WDR70: variants seen among roughly 807,000 people sequenced by gnomAD.
WDR70 encodes the protein WD repeat domain 70.
WDR70 carries 53 observed loss-of-function variants against 88.6 expected under a neutral mutation model. That is an observed-to-expected ratio of 0.60 (90% confidence interval 0.48 to 0.75). WDR70 has a LOEUF of 0.75. Among genes scored for constraint, WDR70 ranks in the 30% least tolerant of loss-of-function variants. The pLI is 0.00. For synonymous variants in WDR70, 280 were observed against 270.0 expected, an observed-to-expected ratio of 1.04 and a Z score of -0.36; for missense variants, 610 against 823.2, an observed-to-expected ratio of 0.74 and a Z score of 3.17.
At chr5:37,584,524 A>G (rs1277649976) in intron 9 of WDR70, among the ~76,000 whole-genome samples, 1 of 152,208 alleles carries the variant, frequency 6.6e-6, no homozygotes, top group East Asian at 1.9e-4. Context: ...TCTCCTTTTC[A>G]AATTTGCACT....
chr5:37,583,527 G>A (rs60557043), intron 9 of WDR70, among the ~76,000 whole-genome samples: 4,358 of 57,218 alleles, frequency 0.076, 437 homozygotes, highest in African/African-American at 0.1. Context: ...GGGATGATTG[G>A]CTATGACAAG....
At chr5:37,586,364 C>T (rs1743364412) in intron 9 of WDR70, among the ~76,000 whole-genome samples, 1 of 152,176 alleles carries the variant, frequency 6.6e-6, no homozygotes, top group Non-Finnish European at 1.5e-5. Flanking sequence ...CCTTTCAGTC[C>T]TGTTTTTACT....
chr5:37,624,981 A>G (rs1258093361), intron 10 of WDR70, among the ~76,000 whole-genome samples: 1 of 152,190 alleles, frequency 6.6e-6, no homozygotes, highest in Non-Finnish European at 1.5e-5. Flanking sequence ...GAAAATTAGA[A>G]TAATATTTAT....
At chr5:37,636,131 A>G (rs879370306) in intron 10 of WDR70, among the ~76,000 whole-genome samples, 5 of 152,210 alleles carry the variant, frequency 3.3e-5, no homozygotes, top group African/African-American at 7.2e-5. Context: ...CAATGATATT[A>G]GTCAAGTTGG....
intron 10 of WDR70, chr5:37,687,896 C>A: frequency 7.4e-6 from 5 of 673,562 alleles, no homozygotes; most frequent in Non-Finnish European, 1.1e-5. Flanking sequence ...AATACCATCT[C>A]TTTTCTTCTC....
chr5:37,690,209 A>G (rs868699802), intron 10 of WDR70, among the ~76,000 whole-genome samples: 1 of 152,236 alleles, frequency 6.6e-6, no homozygotes, highest in Non-Finnish European at 1.5e-5. Context: ...ATATGGGACT[A>G]TGTGAAAAGA....
At chr5:37,416,463 A>G (rs1291526288) in intron 5 of WDR70, among the ~76,000 whole-genome samples, 1 of 151,870 alleles carries the variant, frequency 6.6e-6, no homozygotes, top group Non-Finnish European at 1.5e-5. Context: ...GCAGCAGTAC[A>G]GTCCAGCTTC....
intron 8 of WDR70, among the ~76,000 whole-genome samples, chr5:37,493,077 G>A (rs1194402167): frequency 6.6e-6 from 1 of 152,122 alleles, no homozygotes; most frequent in African/African-American, 2.4e-5. Flanking sequence ...AGGTTGTTTT[G>A]CAAAGATTTG....
chr5:37,624,550 C>T (rs931803132), intron 10 of WDR70, among the ~76,000 whole-genome samples: 5 of 152,030 alleles, frequency 3.3e-5, no homozygotes, highest in Non-Finnish European at 7.4e-5. Context: ...CTTTGGATAC[C>T]GTAGGGGATA....
At chr5:37,689,373 A>G (rs1449112601) in intron 10 of WDR70, among the ~76,000 whole-genome samples, 1 of 152,238 alleles carries the variant, frequency 6.6e-6, no homozygotes, top group East Asian at 1.9e-4. Flanking sequence ...GAACGGACAG[A>G]CTGCCTCCTC....
chr5:37,682,880 G>A (rs1221774883), intron 10 of WDR70, among the ~76,000 whole-genome samples: 2 of 151,954 alleles, frequency 1.3e-5, no homozygotes, highest in Admixed American at 6.6e-5. Context: ...GTGGTGATGA[G>A]AAGAATGTAT....
chr5:37,726,869 T>C lies in WDR70; in HGVS notation c.1715-14T>C. The C allele has an allele frequency of 6.3e-7, 1 of 1,574,910 alleles. No homozygotes were observed. Among genetic ancestry groups the C allele is most frequent in the Non-Finnish European group, 8.6e-7 (1 of 1,164,918 alleles). ...CATTCAGTTTCTAATTTGGTTTTTT[T>C]TCTTTTGCAATAGGTCGTGGTGGCC... On this transcript the variant is annotated splice_polypyrimidine_tract_variant and intron_variant, in intron 16 of 17. Transcript: ENST00000265107.
intron 10 of WDR70, among the ~76,000 whole-genome samples, chr5:37,622,220 A>G (rs1372086014): frequency 6.6e-6 from 1 of 152,156 alleles, no homozygotes; most frequent in African/African-American, 2.4e-5. Flanking sequence ...TAGAATGGCC[A>G]TCATTAAAAA....
intron 7 of WDR70, among the ~76,000 whole-genome samples, chr5:37,467,935 C>T (rs537361672): frequency 6.1e-4 from 93 of 152,202 alleles, no homozygotes; most frequent in African/African-American, 1.3e-3. Context: ...AAGATGGTCT[C>T]GATCTCCTGA....
At chr5:37,681,661 G>A (rs541369060) in intron 10 of WDR70, among the ~76,000 whole-genome samples, 38 of 152,242 alleles carry the variant, frequency 2.5e-4, no homozygotes, top group African/African-American at 9.1e-4. Flanking sequence ...TTTATCAAAA[G>A]CCTTTTTTGC....
At chr5:37,688,099 T>G (rs1746668203) in intron 10 of WDR70, 2 of 460,756 alleles carry the variant, frequency 4.3e-6, no homozygotes, top group Non-Finnish European at 7.8e-6. Flanking sequence ...ACATTCAAGA[T>G]TTTATCTTAT....
intron 17 of WDR70, among the ~76,000 whole-genome samples, chr5:37,741,628 C>T (rs1748484120): frequency 6.6e-6 from 1 of 152,106 alleles, no homozygotes; most frequent in South Asian, 2.1e-4. Flanking sequence ...TGTCACTGAT[C>T]TTACAGGAGG....
At position 37,752,510 on chromosome 5, in the gene WDR70, C is replaced by T. The variant is rs200021926; in HGVS notation, c.1902C>T (p.Ala634=). 8 of 1,611,856 alleles carry T rather than the reference C, an allele frequency of 5.0e-6. No individual in the cohort carries two copies. Among genetic ancestry groups the T allele is most frequent in the Non-Finnish European group, 5.9e-6 (7 of 1,179,150 alleles). Reference sequence around the variant, plus strand: ...GGACTCAGCCCAAAACCATGTTTGCCCAAGTTGAATCTGATGATGAGGAAG... The same window carrying T: ...GGACTCAGCCCAAAACCATGTTTGCTCAAGTTGAATCTGATGATGAGGAAG... ...YSKTQPKTMF[A]QVESDDEEAK... Residue 634 remains alanine, a synonymous_variant, in exon 18 of 18, where the codon GCC becomes GCT. Coordinates refer to ENST00000265107, the MANE Select transcript of WDR70 (RefSeq NM_018034.4).
At chr5:37,527,076 A>G (rs1381722755) in intron 9 of WDR70, among the ~76,000 whole-genome samples, 3 of 152,220 alleles carry the variant, frequency 2.0e-5, no homozygotes, top group East Asian at 3.8e-4. Context: ...TATAGATTCA[A>G]TGCCATCCCC....
Sources: gnomAD v4.1 joint callset for allele counts (sites outside exome capture counted in the v4.1 genomes callset) on GRCh38, gnomAD v4.1.1 for gene constraint, MANE v1.5 for transcripts, NCBI Gene and HGNC (gene_info 2026-07-23, HGNC 2026-07-21) for gene names.